PMM1: variants seen among roughly 807,000 people sequenced by gnomAD.
PMM1 encodes brain glucose-1,6-bisphosphatase.
Under a neutral mutation model 34.0 loss-of-function variants are expected in PMM1, and 25 were observed. The observed-to-expected ratio is 0.73, with a 90% CI of 0.54 to 1.03. PMM1 has a LOEUF of 1.03. Among genes scored for constraint, PMM1 ranks in the 50% least tolerant of loss-of-function variants. The pLI is 0.00. For missense variants in PMM1, 321 were observed against 350.1 expected (o/e 0.92, Z 0.66); for synonymous variants, 134 against 143.9 (o/e 0.93, Z 0.49).
intron 5 of PMM1, among the ~76,000 whole-genome samples, chr22:41,581,698 C>G (rs981131031): frequency 1.3e-5 from 2 of 151,508 alleles, no homozygotes; most frequent in Admixed American, 6.6e-5. Context: ...TACTAAAATA[C>G]AAAATATTAG....
intron 1 of PMM1, chr22:41,589,437 G>A (rs1424815208): frequency 2.4e-5 from 13 of 548,192 alleles, no homozygotes; most frequent in Non-Finnish European, 3.6e-5. Flanking sequence ...CTCCGGGGAG[G>A]GAGGGAGCTA....
intron 6 of PMM1, among the ~76,000 whole-genome samples, 191 bp downstream of exon 6, chr22:41,578,615 T>C (rs1460425539): frequency 1.3e-5 from 2 of 151,900 alleles, no homozygotes; most frequent in African/African-American, 2.4e-5. Context: ...CTCTGAGGTA[T>C]GAGGTGGGGA....
chr22:41,577,010 T>A lies in PMM1; in HGVS notation c.*308A>T. On this transcript the variant is annotated 3_prime_UTR_variant, in exon 8 of 8. Transcript: ENST00000216259. ...CAGGGCAGGCTAGATCTCGTACCGA[T>A]ACTTGAGCACGCCTCCTCCTGGTGC... 1 of 439,340 alleles carries A rather than the reference T, an allele frequency of 2.3e-6. No individual in the cohort carries two copies. Among genetic ancestry groups the A allele is most frequent in the South Asian group, 2.1e-5 (1 of 47,524 alleles). 27.2% of individuals were successfully genotyped at this position (439,340 alleles called of 1,614,324 possible).
At chr22:41,589,623 G>T in intron 1 of PMM1, 96 bp downstream of exon 1, 1 of 1,079,488 alleles carries the variant, frequency 9.3e-7, no homozygotes. Context: ...CTCGGTCCCC[G>T]GGTGTCCACG....
At position 41,584,518 on chromosome 22, in the gene PMM1, G is replaced by A; in HGVS notation, c.282+9C>T. The A allele has an allele frequency of 6.2e-7, 1 of 1,610,992 alleles. No individual in the cohort carries two copies. Among genetic ancestry groups the A allele is most frequent in the Non-Finnish European group, 8.5e-7 (1 of 1,177,448 alleles). Reference sequence around the variant, plus strand: ...GGGTGCCCCTGGCTAAGCCCTGGGGGACACTGACCTGCTTGGAGAGCAGTC... The same window carrying A: ...GGGTGCCCCTGGCTAAGCCCTGGGGAACACTGACCTGCTTGGAGAGCAGTC... On this transcript the variant is annotated intron_variant, in intron 3 of 7. Transcript: ENST00000216259.
intron 6 of PMM1, among the ~76,000 whole-genome samples, chr22:41,578,442 T>A (rs2067201548): frequency 6.6e-6 from 1 of 151,838 alleles, no homozygotes; most frequent in Non-Finnish European, 1.5e-5. Context: ...AGTTGGAGCC[T>A]GGGACAAGCT....
At chr22:41,577,712 G>A (rs1012209296) in intron 7 of PMM1, 96 bp downstream of exon 7, 1 of 920,904 alleles carries the variant, frequency 1.1e-6, no homozygotes, top group Non-Finnish European at 1.7e-6. Context: ...CCCATGTTCT[G>A]GCCTTGACCT....
intron 1 of PMM1, chr22:41,589,053 C>T (rs1398019888): frequency 7.7e-7 from 1 of 1,293,694 alleles, no homozygotes; most frequent in South Asian, 1.2e-5. Context: ...GACTCTTACC[C>T]TCACTATTCC....
Position 41,588,837 on chromosome 22 carries a change from C to G in PMM1, c.87+882G>C, listed in dbSNP as rs367983192. On this transcript the variant is annotated intron_variant, in intron 1 of 7. Coordinates refer to ENST00000216259, the MANE Select transcript of PMM1 (RefSeq NM_002676.3). ...AGTAAAGCCCATCCCACTGCTCCCC[C>G]ACGCTAGGAGACCTGTTGGTTGGTC... 2.7e-4 allele frequency: 262 copies of G among 985,502 alleles called. 1 individual carries two copies. In the African/African-American group the frequency reaches 4.3e-3, roughly 16 times the overall value. The allele number at this position is 985,502 out of a possible 1,614,324, so 61.0% of individuals were successfully genotyped here.
At chr22:41,587,611 AC>A (rs924518195) in intron 1 of PMM1, among the ~76,000 whole-genome samples, 16 of 152,108 alleles carry the variant, frequency 1.1e-4, no homozygotes, top group African/African-American at 3.9e-4. Context: ...ACAGAGTGAG[AC>A]CCCGGTCTCT....
chr22:41,578,021 G>A (rs1372000756), intron 6 of PMM1, 98 bp from the exon 7 acceptor site: 1 of 864,300 alleles, frequency 1.2e-6, no homozygotes, highest in Non-Finnish European at 1.9e-6. Flanking sequence ...CAACCCTTGA[G>A]TGCCTACTGA....
At chr22:41,586,479 G>A in intron 1 of PMM1, 1 of 396,718 alleles carries the variant, frequency 2.5e-6, no homozygotes, top group Non-Finnish European at 4.4e-6. Flanking sequence ...AAATTTTTTT[G>A]GAGACGAATT....
At chr22:41,579,664 G>A (rs895411241) in intron 5 of PMM1, 2 of 152,650 alleles carry the variant, frequency 1.3e-5, no homozygotes, top group African/African-American at 4.8e-5. Context: ...GGAGTGGGGT[G>A]GCTGGTATGG....
At position 41,584,282 on chromosome 22, in the gene PMM1, G is replaced by A. The variant is rs370830814; in HGVS notation, c.373C>T (p.Arg125Cys). The A allele has an allele frequency of 1.3e-5, 21 of 1,613,558 alleles. No individual in the cohort carries two copies. The highest frequency in any genetic ancestry group is 1.7e-5 in the Admixed American group (1 of 59,994). ...GAGACCAGGCTGGTGGGACCTCACC[G>A]CTTCTTGGGCAGCCTGAGCAGGGCC... The part of the protein sequence containing the change: ...YMALLRLPKK[R>C]GTFIEFRNGM... Residue 125 changes from arginine (R) to cysteine (C), a missense_variant and splice_region_variant, in exon 4 of 8, where the codon CGT (arginine) becomes TGT (cysteine). Arg to Cys is a radical substitution (Grantham distance 180). Transcript: ENST00000216259.
intron 1 of PMM1, among the ~76,000 whole-genome samples, chr22:41,586,993 C>T (rs1162808032): frequency 2.0e-5 from 3 of 148,298 alleles, no homozygotes; most frequent in African/African-American, 4.9e-5. Context: ...ATTGGCCATG[C>T]GCGGTGGCTC....
intron 7 of PMM1, 106 bp downstream of exon 7, chr22:41,577,702 C>T: frequency 2.3e-6 from 2 of 851,600 alleles, no homozygotes; most frequent in Non-Finnish European, 3.9e-6. Flanking sequence ...GTTGTGTTGC[C>T]CCATGTTCTG....
intron 1 of PMM1, chr22:41,589,161 C>G: frequency 7.7e-7 from 1 of 1,297,132 alleles, no homozygotes; most frequent in Non-Finnish European, 1.0e-6. Context: ...CTCTGCTCCA[C>G]GACTGGGGGT....
At chr22:41,588,618 G>A in intron 1 of PMM1, 16 of 981,718 alleles carry the variant, frequency 1.6e-5, no homozygotes, top group Non-Finnish European at 1.9e-5. Context: ...GCCTCCCAAA[G>A]TGCTGGGATT....
Position 41,583,974 on chromosome 22 carries a change from G to C in PMM1, c.459C>G (p.Phe153Leu). Residue 153 changes from phenylalanine to leucine, a missense_variant, in exon 5 of 8, where the codon TTC (phenylalanine) becomes TTG (leucine). Transcript: ENST00000216259. ...CTAGTGGTACCTTGTCCAGTTCGGA[G>C]AACTCGATCCTCTCCTCCAGGGTGC... ...RSCTLEERIE[F>L]SELDKKEKIR... 1.2e-6 allele frequency: 2 copies of C among 1,611,062 alleles called. No homozygotes were observed. Among genetic ancestry groups the C allele is most frequent in the Non-Finnish European group, 1.7e-6 (2 of 1,177,130 alleles).
Sources: gnomAD v4.1 joint callset for allele counts (sites outside exome capture counted in the v4.1 genomes callset) on GRCh38, gnomAD v4.1.1 for gene constraint, MANE v1.5 for transcripts, NCBI Gene and HGNC (gene_info 2026-07-23, HGNC 2026-07-21) for gene names.